Variants in SAMMSON observed in about 807,000 individuals in gnomAD.
SAMMSON encodes the protein long intergenic non-protein coding RNA 1212.
chr3:70,268,510 G>A (rs1701945368), intron 6 of SAMMSON, among the ~76,000 whole-genome samples: 1 of 149,620 alleles, frequency 6.7e-6, no homozygotes, highest in South Asian at 2.1e-4. Flanking sequence ...CCACCAGAAT[G>A]GTGCATTTGT....
intron 7 of SAMMSON, among the ~76,000 whole-genome samples, chr3:70,309,694 A>T (rs982336900): frequency 2.0e-5 from 3 of 152,204 alleles, no homozygotes; most frequent in African/African-American, 7.2e-5. Context: ...AAAAAAAGAC[A>T]TTTATGTTTG....
intron 9 of SAMMSON, among the ~76,000 whole-genome samples, chr3:70,366,640 A>C (rs1316020931): frequency 6.6e-6 from 1 of 151,540 alleles, no homozygotes; most frequent in African/African-American, 2.4e-5. Context: ...ATAATCTGTC[A>C]TAAAAATTTA....
intron 4 of SAMMSON, among the ~76,000 whole-genome samples, chr3:70,091,783 T>C (rs1424744926): frequency 2.6e-5 from 4 of 152,170 alleles, no homozygotes; most frequent in Non-Finnish European, 5.9e-5. Flanking sequence ...TTCATTTGTC[T>C]AAACTGTATT....
chr3:70,056,968 C>T lies in SAMMSON; in HGVS notation n.418-14508C>T, dbSNP rs570295598. ...GTCAACTAATCAGCTATGAAAATAG[C>T]TGCAACCAGAGAAAACATTTATCTG... is the stretch of plus-strand genomic sequence containing the variant. On this transcript the variant is annotated intron_variant and non_coding_transcript_variant, in intron 3 of 9. Transcript: ENST00000642114. Among the ~76,000 whole-genome samples, 13 of 152,134 alleles carry T rather than the reference C, an allele frequency of 8.5e-5. No individual in the cohort carries two copies. In the South Asian group the frequency reaches 2.3e-3, roughly 27 times the overall value.
At chr3:70,065,782 G>A (rs1409752355) in intron 3 of SAMMSON, among the ~76,000 whole-genome samples, 3 of 151,990 alleles carry the variant, frequency 2.0e-5, no homozygotes, top group Admixed American at 1.3e-4. Flanking sequence ...ATAAAAAATT[G>A]GCCCCAAATG....
At chr3:70,058,576 G>A (rs1162079608) in intron 3 of SAMMSON, among the ~76,000 whole-genome samples, 1 of 152,028 alleles carries the variant, frequency 6.6e-6, no homozygotes, top group African/African-American at 2.4e-5. Flanking sequence ...GTACTGAGGA[G>A]AAGTAAGAAT....
rs144157402 is a variant in SAMMSON at position 70,193,818 on chromosome 3, G to T, written n.508-55289G>T. ...GAGAGAAAGAAACTTAGAGGCATTG[G>T]GTAATTAATTCTGCCTATCAAATAT... On this transcript the variant is annotated intron_variant and non_coding_transcript_variant, in intron 4 of 9. Coordinates refer to ENST00000642114, the Ensembl canonical transcript of SAMMSON. 5.5e-3 allele frequency among the ~76,000 whole-genome samples: 840 copies of T among 152,034 alleles called. 12 individuals carry two copies. Among genetic ancestry groups the T allele is most frequent in the African/African-American group, 0.019 (792 of 41,476 alleles).
intron 7 of SAMMSON, among the ~76,000 whole-genome samples, chr3:70,350,855 T>C (rs565663839): frequency 6.6e-6 from 1 of 152,038 alleles, no homozygotes; most frequent in Admixed American, 6.6e-5. Context: ...TCTAAGGAGG[T>C]GACATTGAGT....
intron 4 of SAMMSON, among the ~76,000 whole-genome samples, chr3:70,182,198 C>T (rs1183301655): frequency 6.6e-6 from 1 of 152,056 alleles, no homozygotes; most frequent in Non-Finnish European, 1.5e-5. Context: ...AGAAAGCTTG[C>T]TTATCTCCCC....
intron 7 of SAMMSON, among the ~76,000 whole-genome samples, chr3:70,325,891 C>T (rs971532188): frequency 2.6e-5 from 4 of 152,150 alleles, no homozygotes; most frequent in African/African-American, 9.7e-5. Context: ...AACTGATAAA[C>T]CCCTTCTAGA....
rs79092316 is a variant in SAMMSON, at chr3:70,271,334, A to G, written n.675-19845A>G. Among the ~76,000 whole-genome samples, 667 of 152,228 alleles carry G rather than the reference A, an allele frequency of 4.4e-3. 5 individuals carry two copies. Among genetic ancestry groups the G allele is most frequent in the African/African-American group, 0.016 (655 of 41,530 alleles). On this transcript the variant is annotated intron_variant and non_coding_transcript_variant, in intron 6 of 9. Coordinates refer to ENST00000642114, the Ensembl canonical transcript of SAMMSON. ...AACTGGAGAGCATTATGCACAAATA[A>G]ACTGTGTTGTGGCTACTCACCTCCA... is the stretch of plus-strand genomic sequence containing the variant.
intron 6 of SAMMSON, among the ~76,000 whole-genome samples, chr3:70,261,437 C>G (rs1436022156): frequency 6.6e-6 from 1 of 152,198 alleles, no homozygotes; most frequent in Non-Finnish European, 1.5e-5. Context: ...CCATCTAGCA[C>G]TTCAGATGCA....
intron 4 of SAMMSON, among the ~76,000 whole-genome samples, chr3:70,200,905 C>T (rs115258049): frequency 0.017 from 2,354 of 136,388 alleles, 70 homozygotes; most frequent in African/African-American, 0.06. Context: ...CTCTATCCCA[C>T]TGTTATATGT....
chr3:70,012,263 C>G (rs1343345227), intron 1 of SAMMSON: 1 of 152,088 alleles, frequency 6.6e-6, no homozygotes, highest in Non-Finnish European at 1.5e-5. Context: ...CTTGGAACCT[C>G]TGACTTTGTT....
chr3:70,137,449 C>A (rs1397562844), intron 4 of SAMMSON: 1 of 152,096 alleles, frequency 6.6e-6, no homozygotes, highest in African/African-American at 2.4e-5. Context: ...GTGAAAATTA[C>A]ATGAAATTGA....
At chr3:70,203,638 G>T (rs773658797) in intron 4 of SAMMSON, among the ~76,000 whole-genome samples, 5 of 152,054 alleles carry the variant, frequency 3.3e-5, no homozygotes, top group Non-Finnish European at 7.4e-5. Context: ...GCATTTAATT[G>T]TATGAAATTT....
At chr3:70,160,355 C>T (rs953347413) in intron 4 of SAMMSON, among the ~76,000 whole-genome samples, 2 of 151,250 alleles carry the variant, frequency 1.3e-5, no homozygotes, top group Non-Finnish European at 1.5e-5. Flanking sequence ...CCTTCCCTTC[C>T]TCCCTCCCTC....
At chr3:70,392,652 C>A (rs187565135), downstream of SAMMSON, among the ~76,000 whole-genome samples, 1 of 152,114 alleles carries the variant, frequency 6.6e-6, no homozygotes, top group Non-Finnish European at 1.5e-5. Context: ...GGCTTCTGTG[C>A]GAATTCAGCC....
chr3:70,109,361 T>C (rs2067379550), intron 4 of SAMMSON, among the ~76,000 whole-genome samples: 1 of 152,128 alleles, frequency 6.6e-6, no homozygotes, highest in African/African-American at 2.4e-5. Flanking sequence ...CCCCCAATTG[T>C]GTGGAGCCCA....
Sources: gnomAD v4.1 joint callset for allele counts (sites outside exome capture counted in the v4.1 genomes callset) on GRCh38, gnomAD v4.1.1 for gene constraint, MANE v1.5 for transcripts, NCBI Gene and HGNC (gene_info 2026-07-23, HGNC 2026-07-21) for gene names.